GALNT18: variants seen among roughly 807,000 people sequenced by gnomAD.
GALNT18 encodes GalNAc-transferase 18.
GALNT18 carries 44 observed loss-of-function variants against 69.5 expected under a neutral mutation model. The ratio of observed to expected loss-of-function variants is 0.63; its 90% CI spans 0.50 to 0.81. The LOEUF (loss-of-function observed/expected upper bound fraction) is 0.81, where lower values mean the gene tolerates loss of function less well. Among genes scored for constraint, GALNT18 ranks in the 40% least tolerant of loss-of-function variants. The probability of loss-of-function intolerance (pLI) is 0.00; values close to 1 mark genes in which losing one functional copy is unlikely to be tolerated. For synonymous variants in GALNT18, 364 were observed against 318.2 expected (o/e 1.14, Z -1.53); for missense variants, 715 against 810.0 (o/e 0.88, Z 1.42).
At chr11:11,450,620 G>T (rs1049057618) in intron 1 of GALNT18, among the ~76,000 whole-genome samples, 5 of 152,118 alleles carry the variant, frequency 3.3e-5, no homozygotes, top group African/African-American at 1.2e-4. Flanking sequence ...AACTCACTGG[G>T]TGCACATGCA....
rs1283519983 is a variant in GALNT18, at chr11:11,432,685, G to C, written c.531C>G (p.Ala177=). 1 of 1,613,470 alleles carries C rather than the reference G, an allele frequency of 6.2e-7. No homozygotes were observed. Among genetic ancestry groups the C allele is most frequent in the South Asian group, 1.1e-5 (1 of 90,814 alleles). ...LSVLLRSIHS[A]MERTPPHLLK... is the part of the protein sequence containing the mutation. ...GCAGATGTGGGGGCGTGCGTTCCAT[G>C]GCCGAGTGGATGGAGCGCAGCAGCA... is the stretch of plus-strand genomic sequence containing the variant. Residue 177 remains alanine, a synonymous_variant, in exon 3 of 11, where the codon GCC becomes GCG. Coordinates refer to ENST00000227756, the MANE Select transcript of GALNT18 (RefSeq NM_198516.3). This position sits in a 1 kb window ranked among gnomAD's most constrained non-coding sequence, Gnocchi z 5.8.
rs186503670 is a variant in GALNT18 at position 11,397,212 on chromosome 11, G to C, written c.596-17948C>G. On this transcript the variant is annotated intron_variant, in intron 3 of 10. Coordinates refer to ENST00000227756, the MANE Select transcript of GALNT18 (RefSeq NM_198516.3). Reference sequence around the variant, plus strand: ...CCACAAAGAATTGAGTGGTGAGGTGGAATGTTGGGAACTGTAAGGGAAATG... The same window carrying C: ...CCACAAAGAATTGAGTGGTGAGGTGCAATGTTGGGAACTGTAAGGGAAATG... 6.4e-4 allele frequency among the ~76,000 whole-genome samples: 98 copies of C among 152,288 alleles called. 1 individual carries two copies. In the Middle Eastern group the frequency reaches 0.017, roughly 26 times the overall value.
At position 11,296,200 on chromosome 11, in the gene GALNT18, C is replaced by A. The variant is rs59890040; in HGVS notation, c.1513-3007G>T. On this transcript the variant is annotated intron_variant, in intron 9 of 10. Transcript: ENST00000227756. The stretch of plus-strand genomic sequence containing the variant: ...AGCCATGCCGCATTAGGGAAACCAA[C>A]AACATATCAGGAAACAATGACCCCA... 7.5e-3 allele frequency among the ~76,000 whole-genome samples: 1,142 copies of A among 152,276 alleles called. 18 individuals carry two copies. The highest frequency in any genetic ancestry group is 0.026 in the African/African-American group (1,074 of 41,536).
chr11:11,571,586 C>T (rs960585073), intron 1 of GALNT18, among the ~76,000 whole-genome samples: 1 of 152,136 alleles, frequency 6.6e-6, no homozygotes, highest in Non-Finnish European at 1.5e-5. Flanking sequence ...GCAGATCAAC[C>T]GCATGTCCAG....
intron 10 of GALNT18, among the ~76,000 whole-genome samples, chr11:11,273,151 T>C (rs1848862204): frequency 6.6e-6 from 1 of 152,148 alleles, no homozygotes; most frequent in African/African-American, 2.4e-5. Context: ...GGCAACAATT[T>C]CTTGAGACAG....
At position 11,351,875 on chromosome 11, in the gene GALNT18, C is replaced by T. The variant is rs565135947; in HGVS notation, c.1093-10871G>A. ...AAGTGTTTCACCCCTCCCCGCCAGG[C>T]GCAAGCTGCATCAAGGAGGGGGTGG... On this transcript the variant is annotated intron_variant, in intron 6 of 10. Transcript: ENST00000227756. 62 of 1,234,858 alleles carry T rather than the reference C, an allele frequency of 5.0e-5. No homozygotes were observed. The East Asian group carries it at 9.5e-4, about 19-fold the overall frequency. 76.5% of individuals were successfully genotyped at this position (1,234,858 alleles called of 1,614,324 possible).
intron 5 of GALNT18, among the ~76,000 whole-genome samples, chr11:11,374,143 C>T (rs1467071343): frequency 1.3e-5 from 2 of 152,168 alleles, no homozygotes; most frequent in Non-Finnish European, 2.9e-5. Context: ...TCCTGGGAAG[C>T]TAATCCACCA....
intron 3 of GALNT18, among the ~76,000 whole-genome samples, chr11:11,425,349 T>C (rs1406140876): frequency 6.6e-6 from 1 of 152,224 alleles, no homozygotes; most frequent in Admixed American, 6.5e-5. Context: ...AGCCATTGCC[T>C]TGCTTGAAAG....
chr11:11,271,670 C>T (rs950420711), intron 10 of GALNT18, among the ~76,000 whole-genome samples: 3 of 150,548 alleles, frequency 2.0e-5, no homozygotes, highest in Non-Finnish European at 3.0e-5. Context: ...TGCATTTGAG[C>T]ATCACCAGAG....
chr11:11,447,866 C>T (rs867798471), intron 2 of GALNT18, among the ~76,000 whole-genome samples: 11 of 152,278 alleles, frequency 7.2e-5, no homozygotes, highest in Middle Eastern at 3.4e-3. Context: ...ACAGCCAAAC[C>T]GTATCATCCC....
At chr11:11,319,639 G>A (rs1471895) in intron 9 of GALNT18, among the ~76,000 whole-genome samples, 13,199 of 152,192 alleles carry the variant, frequency 0.087, 737 homozygotes, top group African/African-American at 0.16. Context: ...AGCCTACATG[G>A]TATAAAAATC....
intron 1 of GALNT18, among the ~76,000 whole-genome samples, chr11:11,486,621 A>G (rs186927624): frequency 2.6e-5 from 4 of 152,350 alleles, no homozygotes; most frequent in Admixed American, 2.6e-4. Context: ...TTAACACTCA[A>G]TAAATCTCCA....
intron 10 of GALNT18, among the ~76,000 whole-genome samples, chr11:11,280,148 C>G (rs11021748): frequency 0.12 from 18,851 of 152,134 alleles, 1,767 homozygotes; most frequent in Admixed American, 0.28. Flanking sequence ...GGGCACCCCC[C>G]GCCCGGGGAG....
chr11:11,340,886 C>T lies in GALNT18; in HGVS notation c.1211G>A (p.Arg404Lys), dbSNP rs1850193021. Residue 404 changes from arginine to lysine, a missense_variant, in exon 7 of 11, where the codon AGG becomes AAG. By Grantham distance (26) the Arg-to-Lys change is conservative. Transcript: ENST00000227756. This position sits in a 1 kb window ranked among gnomAD's most constrained non-coding sequence, Gnocchi z 4.2. ...LTAHVRRNALRVAEVWMDEFK... is the reference protein window; with the variant it reads ...LTAHVRRNALKVAEVWMDEFK... ...TTCATCCATCCAGACTTCAGCCACCCTGAGAGCGTTCCTGCGGACATGGGC... is the reference window on the plus strand; with the variant it reads ...TTCATCCATCCAGACTTCAGCCACCTTGAGAGCGTTCCTGCGGACATGGGC... The T allele has an allele frequency of 6.2e-7, 1 of 1,613,994 alleles. No homozygotes were observed. Among genetic ancestry groups the T allele is most frequent in the Admixed American group, 1.7e-5 (1 of 60,002 alleles).
chr11:11,388,771 T>C (rs1343900668), intron 3 of GALNT18, among the ~76,000 whole-genome samples: 1 of 152,208 alleles, frequency 6.6e-6, no homozygotes, highest in Non-Finnish European at 1.5e-5. Flanking sequence ...GATCAATCCA[T>C]CCTTTATTCA....
intron 1 of GALNT18, among the ~76,000 whole-genome samples, chr11:11,484,570 G>A (rs1294664152): frequency 2.7e-5 from 3 of 112,358 alleles, no homozygotes; most frequent in Non-Finnish European, 5.4e-5. Flanking sequence ...TCCAGCCTGG[G>A]CAAAAAGAGC....
intron 1 of GALNT18, among the ~76,000 whole-genome samples, chr11:11,495,368 G>A (rs888901378): frequency 5.3e-5 from 8 of 152,106 alleles, no homozygotes; most frequent in East Asian, 3.9e-4. Flanking sequence ...GGTTGGGTAC[G>A]CAAACTTCCC....
chr11:11,508,775 G>A (rs1406545717), intron 1 of GALNT18, among the ~76,000 whole-genome samples: 2 of 152,134 alleles, frequency 1.3e-5, no homozygotes, highest in Non-Finnish European at 2.9e-5. Flanking sequence ...TTTCTAAAAT[G>A]CATTCCACCA....
rs1412086867 is a variant in GALNT18, at chr11:11,320,745, GC to G, written c.1512+6340del. Among the ~76,000 whole-genome samples the G allele has an allele frequency of 6.6e-6, 1 of 152,106 alleles. No individual in the cohort carries two copies. Among genetic ancestry groups the G allele is most frequent in the Non-Finnish European group, 1.5e-5 (1 of 68,020 alleles). On this transcript the variant is annotated intron_variant, in intron 9 of 10. Transcript: ENST00000227756. The surrounding 1 kb of genome is among the most constrained non-coding windows in gnomAD (Gnocchi z 4.9). ...ATCATGGGTGGATGTAGGAGCTCAG[GC>G]TGGGAATACCCAGCCCGTCCCCAGG...
Sources: gnomAD v4.1 joint callset for allele counts (sites outside exome capture counted in the v4.1 genomes callset) on GRCh38, gnomAD v4.1.1 for gene constraint, Gnocchi (gnomAD v3.1) non-coding constraint, MANE v1.5 for transcripts, NCBI Gene and HGNC (gene_info 2026-07-23, HGNC 2026-07-21) for gene names.